TMEM117: variants seen among roughly 807,000 people sequenced by gnomAD.
TMEM117 encodes transmembrane protein 117.
TMEM117 carries 27 observed loss-of-function variants against 52.4 expected under a neutral mutation model. The observed-to-expected ratio is 0.51, with a 90% CI of 0.38 to 0.71. TMEM117 has a LOEUF of 0.71. Ranked by LOEUF, TMEM117 falls within the 30% of genes least tolerant of loss-of-function variation. TMEM117 has a pLI of 0.00. For synonymous variants in TMEM117, 215 were observed against 206.3 expected (o/e 1.04, Z -0.36); for missense variants, 556 against 630.5 (o/e 0.88, Z 1.26).
At chr12:43,983,447 G>C (rs1186302194) in intron 3 of TMEM117, among the ~76,000 whole-genome samples, 1 of 151,262 alleles carries the variant, frequency 6.6e-6, no homozygotes, top group African/African-American at 2.4e-5. Flanking sequence ...GCTGTAGCCT[G>C]TATCACAGTT....
chr12:44,152,018 T>C (rs1362571670), intron 4 of TMEM117, among the ~76,000 whole-genome samples: 3 of 119,220 alleles, frequency 2.5e-5, no homozygotes, highest in African/African-American at 9.9e-5. Flanking sequence ...ATATATTATA[T>C]ATTTAAATAT....
chr12:44,152,168 A>G (rs1312227611), intron 4 of TMEM117, among the ~76,000 whole-genome samples: 1 of 111,468 alleles, frequency 9.0e-6, no homozygotes, highest in African/African-American at 3.7e-5. Context: ...CATAATATAT[A>G]TAAAATTATA....
At chr12:44,315,563 G>A (rs1361476537) in intron 6 of TMEM117, among the ~76,000 whole-genome samples, 1 of 152,168 alleles carries the variant, frequency 6.6e-6, no homozygotes, top group Non-Finnish European at 1.5e-5. Context: ...GTGGTTTTCA[G>A]ATACCTTCTT....
At chr12:44,279,484 A>G (rs1251017031) in intron 5 of TMEM117, among the ~76,000 whole-genome samples, 3 of 151,678 alleles carry the variant, frequency 2.0e-5, no homozygotes, top group East Asian at 3.9e-4. Context: ...CTATATTTAC[A>G]TCCAAGTTTG....
intron 4 of TMEM117, among the ~76,000 whole-genome samples, chr12:44,172,883 C>G (rs913802802): frequency 2.0e-5 from 3 of 152,134 alleles, no homozygotes; most frequent in African/African-American, 7.2e-5. Context: ...TGCCACCACG[C>G]CCGGCTAATT....
chr12:44,005,041 G>A (rs1474596853), intron 3 of TMEM117, among the ~76,000 whole-genome samples: 1 of 152,186 alleles, frequency 6.6e-6, no homozygotes, highest in African/African-American at 2.4e-5. Context: ...AATGAAGAAA[G>A]TTCCAAATGT....
At chr12:43,941,377 A>G (rs1945041701) in intron 2 of TMEM117, among the ~76,000 whole-genome samples, 2 of 152,230 alleles carry the variant, frequency 1.3e-5, no homozygotes, top group South Asian at 2.1e-4. Flanking sequence ...CCAAACCAGC[A>G]TACCTAAGAA....
At chr12:44,308,087 T>G (rs990061610) in intron 6 of TMEM117, among the ~76,000 whole-genome samples, 1 of 152,194 alleles carries the variant, frequency 6.6e-6, no homozygotes, top group Non-Finnish European at 1.5e-5. Context: ...GAAGGAATTA[T>G]AAGATTTGGT....
chr12:43,994,148 G>A (rs183978001), intron 3 of TMEM117, among the ~76,000 whole-genome samples: 2 of 152,278 alleles, frequency 1.3e-5, no homozygotes, highest in Non-Finnish European at 1.5e-5. Context: ...GGTCAGCAAT[G>A]CCAAATTTCA....
chr12:43,797,051 C>T, the TMEM117 span: 24 of 1,611,166 alleles, frequency 1.5e-5, no homozygotes, highest in African/African-American at 2.4e-4. Flanking sequence ...AATACAGCAT[C>T]CGCTCTCTTA....
the TMEM117 span, chr12:43,805,927 C>A: frequency 3.3e-6 from 5 of 1,517,058 alleles, no homozygotes; most frequent in Non-Finnish European, 4.4e-6. Context: ...CTGTCGGGGA[C>A]GGTGGAAGGC....
intron 3 of TMEM117, among the ~76,000 whole-genome samples, chr12:44,043,237 A>G (rs1290232327): frequency 6.6e-6 from 1 of 152,206 alleles, no homozygotes; most frequent in Non-Finnish European, 1.5e-5. Flanking sequence ...AAATCTGCTA[A>G]GATTGCCCCC....
At chr12:44,039,905 T>C (rs1946770539) in intron 3 of TMEM117, among the ~76,000 whole-genome samples, 1 of 152,176 alleles carries the variant, frequency 6.6e-6, no homozygotes, top group Non-Finnish European at 1.5e-5. Flanking sequence ...TAGACCCTGG[T>C]ATATAGTAGG....
intron 3 of TMEM117, among the ~76,000 whole-genome samples, chr12:44,097,306 G>C (rs1309772082): frequency 6.6e-6 from 1 of 152,146 alleles, no homozygotes; most frequent in Non-Finnish European, 1.5e-5. Flanking sequence ...AGTCAGTGTG[G>C]TGATTCCTCA....
intron 2 of TMEM117, among the ~76,000 whole-genome samples, chr12:43,877,965 T>C (rs1565731250): frequency 1.3e-5 from 2 of 151,924 alleles, no homozygotes; most frequent in Admixed American, 1.3e-4. Flanking sequence ...TATGATTTGT[T>C]TGAATGTACA....
intron 3 of TMEM117, among the ~76,000 whole-genome samples, chr12:44,090,645 C>T (rs1267929926): frequency 6.6e-6 from 1 of 151,510 alleles, no homozygotes; most frequent in African/African-American, 2.4e-5. Flanking sequence ...CCATGTTGCT[C>T]AGGCTGGTCT....
At chr12:44,001,559 C>T (rs547617622) in intron 3 of TMEM117, among the ~76,000 whole-genome samples, 17 of 152,012 alleles carry the variant, frequency 1.1e-4, no homozygotes, top group Middle Eastern at 3.4e-3. Flanking sequence ...GGGGGCTACA[C>T]GGAGGAAACA....
intron 3 of TMEM117, 85 bp from the exon 4 acceptor site, chr12:44,143,440 G>A: frequency 1.1e-6 from 1 of 936,372 alleles, no homozygotes; most frequent in Non-Finnish European, 1.6e-6. Flanking sequence ...AATGGGAGAA[G>A]TCCCTTTGCC....
intron 7 of TMEM117, among the ~76,000 whole-genome samples, chr12:44,383,216 A>G (rs904930196): frequency 6.6e-6 from 1 of 152,176 alleles, no homozygotes; most frequent in Non-Finnish European, 1.5e-5. Flanking sequence ...CTGCAGAGTA[A>G]AAGATTAAAA....
Sources: gnomAD v4.1 joint callset for allele counts (sites outside exome capture counted in the v4.1 genomes callset) on GRCh38, gnomAD v4.1.1 for gene constraint, MANE v1.5 for transcripts, NCBI Gene and HGNC (gene_info 2026-07-23, HGNC 2026-07-21) for gene names.